Variants in CACNA2D3 observed in about 807,000 individuals in gnomAD.
CACNA2D3 encodes calcium voltage-gated channel auxiliary subunit alpha2delta 3.
In CACNA2D3, 60 loss-of-function variants were observed where a neutral mutation model predicts 160.6. The ratio of observed to expected loss-of-function variants is 0.37; its 90% CI spans 0.30 to 0.46. The LOEUF is 0.46. CACNA2D3 is among the 20% of genes least tolerant of loss of function. The pLI, the probability that CACNA2D3 is intolerant of heterozygous loss-of-function variation, is 1.00. For synonymous variants in CACNA2D3, 558 were observed against 492.9 expected, an observed-to-expected ratio of 1.13 and a Z score of -1.75; for missense variants, 1,205 against 1,365.0, an observed-to-expected ratio of 0.88 and a Z score of 1.85.
chr3:55,006,348 T>TC (rs1703093374), intron 32 of CACNA2D3, among the ~76,000 whole-genome samples: 1 of 152,094 alleles, frequency 6.6e-6, no homozygotes, highest in Admixed American at 6.6e-5. Flanking sequence ...TGGCCCTCTT[T>TC]CCCCCGCAAC....
intron 35 of CACNA2D3, among the ~76,000 whole-genome samples, chr3:55,062,414 G>T (rs575025593): frequency 5.5e-5 from 8 of 146,426 alleles, no homozygotes; most frequent in African/African-American, 2.1e-4. Flanking sequence ...ACACCTGGCT[G>T]TATCTTCTCA....
chr3:55,031,783 C>T (rs1409133321), intron 35 of CACNA2D3, among the ~76,000 whole-genome samples: 1 of 152,042 alleles, frequency 6.6e-6, no homozygotes, highest in African/African-American at 2.4e-5. Flanking sequence ...GGAGAGGGTA[C>T]AAGATGAGGA....
At chr3:54,830,450 CTTT>C (rs35103723) in intron 14 of CACNA2D3, among the ~76,000 whole-genome samples, 12 of 137,310 alleles carry the variant, frequency 8.7e-5, no homozygotes, top group Admixed American at 1.5e-4. Flanking sequence ...CATTTAAATA[CTTT>C]TTTTTTTTTT....
intron 11 of CACNA2D3, among the ~76,000 whole-genome samples, chr3:54,744,404 C>G (rs962304553): frequency 2.0e-5 from 3 of 152,162 alleles, no homozygotes; most frequent in African/African-American, 7.2e-5. Flanking sequence ...TGCCCCAACC[C>G]TCATGAATTT....
intron 35 of CACNA2D3, among the ~76,000 whole-genome samples, chr3:55,031,055 G>A (rs1297670978): frequency 1.3e-5 from 2 of 152,186 alleles, no homozygotes; most frequent in Non-Finnish European, 2.9e-5. Context: ...ACAACACAGT[G>A]AGGCTTTCCT....
At chr3:54,284,069 A>T (rs915471003) in intron 2 of CACNA2D3, among the ~76,000 whole-genome samples, 3 of 152,184 alleles carry the variant, frequency 2.0e-5, no homozygotes, top group Admixed American at 1.3e-4. Flanking sequence ...CTCAAAAAAC[A>T]AAAAACAAAA....
At chr3:54,918,593 T>G in intron 27 of CACNA2D3, 1 of 1,614,154 alleles carries the variant, frequency 6.2e-7, no homozygotes, top group Non-Finnish European at 8.5e-7. Context: ...GCCAACATCA[T>G]GAGACACACA....
At chr3:54,515,554 C>T (rs1037747221) in intron 5 of CACNA2D3, among the ~76,000 whole-genome samples, 1 of 152,186 alleles carries the variant, frequency 6.6e-6, no homozygotes, top group African/African-American at 2.4e-5. Flanking sequence ...GGTAGCAGAA[C>T]GCCCAAGTAA....
Position 54,506,181 on chromosome 3 carries a change from G to A in CACNA2D3, c.544+2527G>A, listed in dbSNP as rs370443889. 7.1e-4 allele frequency among the ~76,000 whole-genome samples: 108 copies of A among 151,172 alleles called. 1 individual carries two copies. The East Asian group carries it at 0.016, about 23-fold the overall frequency. ...CAGCCCCTAACAGCCTTTTTTTTTT[G>A]TTTTCCTTTTCAAGCTGCAGGAATA... On this transcript the variant is annotated intron_variant, in intron 5 of 37. Transcript: ENST00000474759.
At chr3:54,704,596 T>C (rs1415723821) in intron 11 of CACNA2D3, among the ~76,000 whole-genome samples, 1 of 152,148 alleles carries the variant, frequency 6.6e-6, no homozygotes. Context: ...AGAACAGTCT[T>C]CCTGATCACT....
At chr3:54,201,986 G>C (rs542665802) in intron 2 of CACNA2D3, among the ~76,000 whole-genome samples, 3 of 152,150 alleles carry the variant, frequency 2.0e-5, no homozygotes, top group Admixed American at 2.0e-4. Flanking sequence ...AAACTATGGG[G>C]CACTCAGTTA....
chr3:54,150,797 A>G (rs961851786), intron 2 of CACNA2D3, among the ~76,000 whole-genome samples: 7 of 152,058 alleles, frequency 4.6e-5, no homozygotes, highest in African/African-American at 7.3e-5. Flanking sequence ...CTCTTGGTGT[A>G]GCTGTGGAAT....
chr3:54,847,865 G>A (rs1698969056), intron 17 of CACNA2D3, among the ~76,000 whole-genome samples: 1 of 148,844 alleles, frequency 6.7e-6, no homozygotes, highest in South Asian at 2.2e-4. Context: ...GAAGTTACAA[G>A]TTTGCGTGAC....
chr3:54,839,621 A>G (rs939421833), intron 16 of CACNA2D3, among the ~76,000 whole-genome samples: 19 of 152,138 alleles, frequency 1.2e-4, no homozygotes, highest in African/African-American at 2.7e-4. Context: ...GTCTCCATCT[A>G]AAGGGAGCCC....
At chr3:54,844,083 G>A (rs957696098) in intron 16 of CACNA2D3, among the ~76,000 whole-genome samples, 1 of 152,132 alleles carries the variant, frequency 6.6e-6, no homozygotes, top group African/African-American at 2.4e-5. Context: ...GGAGAGCTAA[G>A]GCAGACAGTA....
chr3:54,669,091 T>G (rs1295637726), intron 11 of CACNA2D3, among the ~76,000 whole-genome samples: 1 of 152,344 alleles, frequency 6.6e-6, no homozygotes, highest in East Asian at 1.9e-4. Flanking sequence ...TTCCTGAAAC[T>G]GTGAACTCCA....
chr3:55,063,393 A>G (rs1271547051), intron 35 of CACNA2D3, among the ~76,000 whole-genome samples: 1 of 152,012 alleles, frequency 6.6e-6, no homozygotes, highest in African/African-American at 2.4e-5. Context: ...CTTAAAAGAA[A>G]AAAAAAAAAA....
chr3:54,917,344 T>C (rs1321414145), intron 27 of CACNA2D3, among the ~76,000 whole-genome samples: 1 of 152,198 alleles, frequency 6.6e-6, no homozygotes, highest in Non-Finnish European at 1.5e-5. Context: ...TTTAAAACCA[T>C]GGCCTAAATA....
chr3:54,898,821 A>G (rs946477611), intron 26 of CACNA2D3, among the ~76,000 whole-genome samples: 2 of 152,168 alleles, frequency 1.3e-5, no homozygotes, highest in Non-Finnish European at 2.9e-5. Context: ...GTTACAGATG[A>G]CGTAACATCT....
Sources: allele counts gnomAD v4.1 joint callset (sites outside exome capture counted in the v4.1 genomes callset), GRCh38; gene constraint gnomAD v4.1.1; transcripts MANE v1.5; gene names NCBI Gene and HGNC (gene_info 2026-07-23, HGNC 2026-07-21).